The following MEF2A variants were observed in gnomAD, a reference collection of about 807,000 sequenced individuals.
MEF2A encodes myocyte enhancer factor 2A.
In MEF2A, 28 loss-of-function variants were observed where a neutral mutation model predicts 55.8. That is an observed-to-expected ratio of 0.50 (90% CI 0.37 to 0.69). The LOEUF (loss-of-function observed/expected upper bound fraction) is 0.69, where lower values mean the gene tolerates loss of function less well. MEF2A is among the 30% of genes least tolerant of loss of function. The probability of loss-of-function intolerance (pLI) is 0.00; values close to 1 mark genes in which losing one functional copy is unlikely to be tolerated. For synonymous variants in MEF2A, 239 were observed against 227.1 expected (o/e 1.05, Z -0.47); for missense variants, 528 against 626.2 (o/e 0.84, Z 1.67).
intron 1 of MEF2A, among the ~76,000 whole-genome samples, chr15:99,581,712 G>T (rs1156444395): frequency 6.6e-6 from 1 of 152,078 alleles, no homozygotes; most frequent in Non-Finnish European, 1.5e-5. Context: ...CTTCTAGGAG[G>T]TAATGGTTTA....
At chr15:99,648,508 G>A (rs936191158) in intron 4 of MEF2A, among the ~76,000 whole-genome samples, 21 of 152,034 alleles carry the variant, frequency 1.4e-4, no homozygotes, top group Non-Finnish European at 2.5e-4. Flanking sequence ...ACAGTTATAA[G>A]TGATCTACTT....
intron 2 of MEF2A, among the ~76,000 whole-genome samples, chr15:99,609,813 A>C (rs1173139062): frequency 6.6e-6 from 1 of 152,200 alleles, no homozygotes; most frequent in African/African-American, 2.4e-5. Flanking sequence ...AGCTTGACAA[A>C]GAGAGTATAC....
intron 8 of MEF2A, among the ~76,000 whole-genome samples, chr15:99,698,775 A>G (rs928495760): frequency 3.3e-5 from 5 of 151,636 alleles, no homozygotes; most frequent in Non-Finnish European, 5.9e-5. Flanking sequence ...CTGGGCAACA[A>G]GAGTGAAACT....
chr15:99,571,335 T>G (rs1290523125), intron 1 of MEF2A, among the ~76,000 whole-genome samples: 1 of 152,228 alleles, frequency 6.6e-6, no homozygotes, highest in Non-Finnish European at 1.5e-5. Flanking sequence ...AAATAGTAAT[T>G]ATAACATTAT....
intron 1 of MEF2A, among the ~76,000 whole-genome samples, chr15:99,596,103 C>G (rs776374376): frequency 1.3e-5 from 2 of 151,834 alleles, no homozygotes; most frequent in Non-Finnish European, 2.9e-5. Flanking sequence ...ACAGTATTGT[C>G]TTTTAGAAAC....
At chr15:99,701,718 T>TATAC (rs2057407082) in intron 8 of MEF2A, among the ~76,000 whole-genome samples, 2 of 152,204 alleles carry the variant, frequency 1.3e-5, no homozygotes, top group South Asian at 2.1e-4. Context: ...GTTTAAAATA[T>TATAC]ATACATACAT....
chr15:99,656,193 G>T (rs2047677499), intron 4 of MEF2A, among the ~76,000 whole-genome samples: 1 of 152,186 alleles, frequency 6.6e-6, no homozygotes, highest in South Asian at 2.1e-4. Flanking sequence ...CACTCAGTGT[G>T]TAGGAGGTGA....
intron 4 of MEF2A, among the ~76,000 whole-genome samples, chr15:99,655,376 C>A (rs1002090630): frequency 6.6e-6 from 1 of 152,050 alleles, no homozygotes; most frequent in East Asian, 1.9e-4. Context: ...TATGGAATAG[C>A]GGCTTTGCAT....
At chr15:99,610,660 G>T (rs983133874) in intron 2 of MEF2A, among the ~76,000 whole-genome samples, 13 of 152,004 alleles carry the variant, frequency 8.6e-5, no homozygotes, top group Non-Finnish European at 1.5e-4. Flanking sequence ...ATGGCCAATT[G>T]ATTTTTTTTA....
chr15:99,657,346 C>T (rs1452316494), intron 4 of MEF2A: 4 of 151,186 alleles, frequency 2.6e-5, no homozygotes, highest in Non-Finnish European at 4.4e-5. Context: ...CAACTAAAAC[C>T]AATAACTTTA....
At chr15:99,680,014 A>G (rs1466925548) in intron 7 of MEF2A, among the ~76,000 whole-genome samples, 1 of 152,198 alleles carries the variant, frequency 6.6e-6, no homozygotes, top group African/African-American at 2.4e-5. Context: ...CTCAGCACCC[A>G]TCTTAAGATC....
At chr15:99,688,195 T>C (rs550349555) in intron 7 of MEF2A, among the ~76,000 whole-genome samples, 2 of 152,382 alleles carry the variant, frequency 1.3e-5, no homozygotes, top group Admixed American at 6.5e-5. Flanking sequence ...ACTTATCTAC[T>C]TTTTACTTGT....
At chr15:99,704,059 A>AGTTC (rs1162189406) in intron 9 of MEF2A, among the ~76,000 whole-genome samples, 1 of 152,232 alleles carries the variant, frequency 6.6e-6, no homozygotes, top group Non-Finnish European at 1.5e-5. Context: ...TTCTTTAGGA[A>AGTTC]CTAAAACCAA....
At chr15:99,649,733 T>C (rs544293064) in intron 4 of MEF2A, among the ~76,000 whole-genome samples, 82 of 152,266 alleles carry the variant, frequency 5.4e-4, no homozygotes, top group African/African-American at 1.9e-3. Flanking sequence ...CCATTGTTCA[T>C]ACACATGCAT....
At chr15:99,597,155 G>T (rs571993180) in intron 1 of MEF2A, among the ~76,000 whole-genome samples, 34 of 152,236 alleles carry the variant, frequency 2.2e-4, no homozygotes, top group African/African-American at 6.3e-4. Context: ...TCTGACTGCC[G>T]GTGAGCCGGG....
chr15:99,601,312 T>A (rs1596384862), intron 2 of MEF2A, among the ~76,000 whole-genome samples: 1 of 151,004 alleles, frequency 6.6e-6, no homozygotes, highest in African/African-American at 2.4e-5. Flanking sequence ...TCTGTGTAGA[T>A]CATTATCTTC....
intron 4 of MEF2A, among the ~76,000 whole-genome samples, chr15:99,653,623 T>C (rs2047213929): frequency 6.6e-6 from 1 of 152,218 alleles, no homozygotes; most frequent in African/African-American, 2.4e-5. Flanking sequence ...TTATGGTTTT[T>C]TCCTCAAATA....
At chr15:99,626,910 T>G (rs2042132969) in intron 2 of MEF2A, among the ~76,000 whole-genome samples, 1 of 152,112 alleles carries the variant, frequency 6.6e-6, no homozygotes, top group Non-Finnish European at 1.5e-5. Flanking sequence ...CATAAAATAA[T>G]CAACAAGGAA....
chr15:99,685,839 A>G (rs2054111062), intron 7 of MEF2A, among the ~76,000 whole-genome samples: 1 of 152,164 alleles, frequency 6.6e-6, no homozygotes, highest in Admixed American at 6.5e-5. Context: ...TGATTTAGGA[A>G]GGATTCTTTC....
Sources: gnomAD v4.1 joint callset for allele counts (sites outside exome capture counted in the v4.1 genomes callset) on GRCh38, gnomAD v4.1.1 for gene constraint, MANE v1.5 for transcripts, NCBI Gene and HGNC (gene_info 2026-07-23, HGNC 2026-07-21) for gene names.